Variants in MED1 observed in about 807,000 individuals in gnomAD.
MED1 encodes mediator of RNA polymerase II transcription subunit 1.
A neutral mutation model predicts 121.3 loss-of-function variants in MED1; 17 were observed. The observed-to-expected ratio is 0.14, with a 90% CI of 0.10 to 0.21. The LOEUF (loss-of-function observed/expected upper bound fraction) is 0.21, where lower values mean the gene tolerates loss of function less well. MED1 is among the 10% of genes least tolerant of loss of function. The pLI, the probability that MED1 is intolerant of heterozygous loss-of-function variation, is 1.00. For synonymous variants in MED1, 661 were observed against 694.4 expected (o/e 0.95, Z 0.76); for missense variants, 1,558 against 1,919.4 (o/e 0.81, Z 3.52).
intron 2 of MED1, among the ~76,000 whole-genome samples, chr17:39,447,394 T>TAA (rs11416466): frequency 0.015 from 2,167 of 143,270 alleles, 43 homozygotes; most frequent in African/African-American, 0.044. Context: ...TCCGTCTCAA[T>TAA]AAAAAAAAAA....
At chr17:39,448,909 C>CAAAT (rs888530039) in intron 1 of MED1, among the ~76,000 whole-genome samples, 29 of 151,940 alleles carry the variant, frequency 1.9e-4, no homozygotes, top group African/African-American at 1.9e-4. Context: ...AACTCTGTCT[C>CAAAT]AAATAAATAA....
chr17:39,437,195 G>A (rs964543263), intron 6 of MED1, among the ~76,000 whole-genome samples: 2 of 152,126 alleles, frequency 1.3e-5, no homozygotes, highest in Admixed American at 1.3e-4. Flanking sequence ...GCTTCCCAAA[G>A]TGCTGGGATT....
At chr17:39,444,178 C>G (rs182459342) in intron 2 of MED1, among the ~76,000 whole-genome samples, 2 of 152,146 alleles carry the variant, frequency 1.3e-5, no homozygotes, top group East Asian at 3.9e-4. Context: ...CTGAGAAACA[C>G]AACCAAATTT....
chr17:39,428,892 C>A (rs1251260799), intron 9 of MED1, among the ~76,000 whole-genome samples: 2 of 151,408 alleles, frequency 1.3e-5, no homozygotes, highest in African/African-American at 2.4e-5. Flanking sequence ...GTGGAGGTTG[C>A]AGTGAGCTAA....
chr17:39,404,933 G>T lies in MED1; in HGVS notation c.*2542C>A. The T allele has an allele frequency of 5.6e-6, 1 of 179,626 alleles. No homozygotes were observed. The highest frequency in any genetic ancestry group is 1.1e-5 in the Non-Finnish European group (1 of 92,894). The allele number at this position is 179,626 out of a possible 1,614,324, so 11.1% of individuals were successfully genotyped here. On this transcript the variant is annotated 3_prime_UTR_variant, in exon 17 of 17. Coordinates refer to ENST00000300651, the MANE Select transcript of MED1 (RefSeq NM_004774.4). ...TTGATATTGAACCTGAAATCTTTAT[G>T]TACATCAGAGCAGGTTATGACCAAG...
At chr17:39,436,100 C>T (rs1238228145) in intron 6 of MED1, among the ~76,000 whole-genome samples, 1 of 151,894 alleles carries the variant, frequency 6.6e-6, no homozygotes, top group African/African-American at 2.4e-5. Flanking sequence ...CGGTGGCTCA[C>T]ACCTGTAATC....
Position 39,405,805 on chromosome 17 carries a change from AC to A in MED1, c.*1669del. The stretch of plus-strand genomic sequence containing the variant: ...AAAGAAAGCCAAAGCTGATTTTCCA[AC>A]TCTATGCTGACTCCAACCTGCAGAA... On this transcript the variant is annotated 3_prime_UTR_variant, in exon 17 of 17. Coordinates refer to ENST00000300651, the MANE Select transcript of MED1 (RefSeq NM_004774.4). 1.0e-6 allele frequency: 1 copy of A among 986,300 alleles called. No individual in the cohort carries two copies. The highest frequency in any genetic ancestry group is 1.2e-6 in the Non-Finnish European group (1 of 830,416). 61.1% of individuals were successfully genotyped at this position (986,300 alleles called of 1,614,324 possible).
intron 9 of MED1, among the ~76,000 whole-genome samples, chr17:39,428,486 AAAT>A (rs537310440): frequency 6.6e-6 from 1 of 151,812 alleles, no homozygotes. Context: ...TCCGTCTCAA[AAAT>A]AATAATAATA....
chr17:39,414,172 A>T (rs2048384297), intron 16 of MED1, among the ~76,000 whole-genome samples: 1 of 151,540 alleles, frequency 6.6e-6, no homozygotes, highest in Non-Finnish European at 1.5e-5. Flanking sequence ...GGTTGCAGTG[A>T]GCCAAGATTG....
intron 3 of MED1, among the ~76,000 whole-genome samples, chr17:39,441,966 G>A (rs1036625821): frequency 6.6e-6 from 1 of 151,726 alleles, no homozygotes; most frequent in African/African-American, 2.4e-5. Context: ...AGCTGAGCAT[G>A]GTAATGGGCG....
At chr17:39,413,504 T>C (rs1169273667) in intron 16 of MED1, among the ~76,000 whole-genome samples, 2 of 152,084 alleles carry the variant, frequency 1.3e-5, no homozygotes, top group Non-Finnish European at 2.9e-5. Flanking sequence ...TCAAGTAATC[T>C]GCCCGCCTTG....
intron 6 of MED1, among the ~76,000 whole-genome samples, chr17:39,437,047 C>G (rs2048625877): frequency 6.6e-6 from 1 of 152,080 alleles, no homozygotes; most frequent in Non-Finnish European, 1.5e-5. Flanking sequence ...ATTCTCTTGC[C>G]TCAGCCTCCC....
At position 39,440,057 on chromosome 17, in the gene MED1, G is replaced by T. The variant is rs1445771265; in HGVS notation, c.399+329C>A. On this transcript the variant is annotated intron_variant, in intron 5 of 16. Transcript: ENST00000300651. The surrounding 1 kb of genome is among the most constrained non-coding windows in gnomAD (Gnocchi z 4.1). The stretch of plus-strand genomic sequence containing the variant: ...AAGAGAGAAAGAGAAAGAAAGAAAA[G>T]AAAGAAAAGAAAAAGAAAGCAAGCA... 4.2e-5 allele frequency among the ~76,000 whole-genome samples: 6 copies of T among 142,424 alleles called. No individual in the cohort carries two copies. The South Asian group carries it at 1.3e-3, about 32-fold the overall frequency. The allele number at this position is 142,424 out of a possible 152,430, so 93.4% of individuals were successfully genotyped here. A position where few individuals can be genotyped will look rare whatever the true frequency, so the allele number is the denominator to read the frequency against.
chr17:39,409,579 T>G lies in MED1; in HGVS notation c.2642A>C (p.Glu881Ala). 1 of 1,614,000 alleles carries G rather than the reference T, an allele frequency of 6.2e-7. No individual in the cohort carries two copies. Among genetic ancestry groups the G allele is most frequent in the Non-Finnish European group, 8.5e-7 (1 of 1,179,956 alleles). ...ACTTTGGCTGCTTTCATCAAAATATTCTTCTCCAAAACCACTTTGGCTCTG... is the reference window on the plus strand; with the variant it reads ...ACTTTGGCTGCTTTCATCAAAATATGCTTCTCCAAAACCACTTTGGCTCTG... ...NSQSQSGFGE[E>A]YFDESSQSGD... Residue 881 changes from glutamate to alanine, a missense_variant, in exon 17 of 17, where the codon GAA becomes GCA. By Grantham distance (107) the Glu-to-Ala change is moderately radical. Around this residue, in one of 5 missense-constraint regions of MED1, gnomAD observed 793 missense variants for 898.2 expected, o/e 0.88. Coordinates refer to ENST00000300651, the MANE Select transcript of MED1 (RefSeq NM_004774.4).
chr17:39,430,002 G>C (rs557589302), intron 9 of MED1, among the ~76,000 whole-genome samples: 1 of 152,162 alleles, frequency 6.6e-6, no homozygotes, highest in South Asian at 2.1e-4. Flanking sequence ...GGGATTATTT[G>C]GGCCCAGGAG....
Position 39,407,025 on chromosome 17 carries a change from C to T in MED1, c.*450G>A. 2 of 987,086 alleles carry T rather than the reference C, an allele frequency of 2.0e-6. No individual in the cohort carries two copies. The highest frequency in any genetic ancestry group is 3.5e-5 in the African/African-American group (2 of 57,372). The allele number at this position is 987,086 out of a possible 1,614,324, so 61.1% of individuals were successfully genotyped here. On this transcript the variant is annotated 3_prime_UTR_variant, in exon 17 of 17. Transcript: ENST00000300651. ...GACAACTACCTCAAACAAAGTTGAA[C>T]AACCTTCATGCAAATGCATCAAGGA...
At chr17:39,414,854 G>A (rs71369756) in intron 16 of MED1, among the ~76,000 whole-genome samples, 172 bp downstream of exon 16, 1 of 151,334 alleles carries the variant, frequency 6.6e-6, no homozygotes, top group Non-Finnish European at 1.5e-5. Flanking sequence ...ATTTTTAGTA[G>A]AGATGGGGGT....
chr17:39,429,750 A>ACAAATATC (rs2048548218), intron 9 of MED1, among the ~76,000 whole-genome samples: 1 of 149,216 alleles, frequency 6.7e-6, no homozygotes, highest in African/African-American at 2.5e-5. Context: ...CACAAAATAC[A>ACAAATATC]CAAATATCTG....
Position 39,440,559 on chromosome 17 carries a change from A to T in MED1, c.267-41T>A. On this transcript the variant is annotated intron_variant, in intron 4 of 16. Transcript: ENST00000300651. The surrounding 1 kb of genome is among the most constrained non-coding windows in gnomAD (Gnocchi z 4.1). ...CAAAACAAAAATTAATAGAAGACAC[A>T]TAAATAAAGCCACCCAAAGTTAACA... is the stretch of plus-strand genomic sequence containing the variant. 6.2e-7 allele frequency: 1 copy of T among 1,612,482 alleles called. No homozygotes were observed. The highest frequency in any genetic ancestry group is 1.1e-5 in the South Asian group (1 of 90,564).
Sources: allele counts gnomAD v4.1 joint callset (sites outside exome capture counted in the v4.1 genomes callset), GRCh38; gene constraint gnomAD v4.1.1; regional missense constraint gnomAD v4.1.1; non-coding constraint Gnocchi (gnomAD v3.1); transcripts MANE v1.5; gene names NCBI Gene and HGNC (gene_info 2026-07-23, HGNC 2026-07-21).